Variants in ASIC2 observed in about 807,000 individuals in gnomAD.
The protein encoded by ASIC2 is acid sensing ion channel subunit 2.
A neutral mutation model predicts 57.3 loss-of-function variants in ASIC2; 25 were observed. That is an observed-to-expected ratio of 0.44 (90% CI 0.32 to 0.61). ASIC2 has a LOEUF of 0.61. ASIC2 is among the 20% of genes least tolerant of loss of function. The probability of loss-of-function intolerance (pLI) is 0.06; values close to 1 mark genes in which losing one functional copy is unlikely to be tolerated. For missense variants in ASIC2, 641 were observed against 738.1 expected (o/e 0.87, Z 1.52); for synonymous variants, 319 against 307.5 (o/e 1.04, Z -0.39).
intron 3 of ASIC2, among the ~76,000 whole-genome samples, chr17:33,055,705 T>C (rs532499308): frequency 2.6e-5 from 4 of 152,336 alleles, no homozygotes; most frequent in African/African-American, 9.6e-5. Flanking sequence ...CTTTCTTTTT[T>C]TAATTCAGGA....
chr17:33,113,231 G>A (rs903965887), intron 1 of ASIC2, among the ~76,000 whole-genome samples: 2 of 152,142 alleles, frequency 1.3e-5, no homozygotes, highest in African/African-American at 2.4e-5. Flanking sequence ...ATAAAACCTC[G>A]CAGCCTCAAT....
At chr17:33,834,438 A>G (rs577622319) in intron 1 of ASIC2, 1 of 152,302 alleles carries the variant, frequency 6.6e-6, no homozygotes, top group Admixed American at 6.5e-5. Context: ...AGCTGTTGGT[A>G]TTTGATGGTT....
chr17:34,073,530 G>C lies in ASIC2; in HGVS notation c.555+82448C>G, dbSNP rs149254406. ...AGAGCCAGGTTGTGGGATGCCAAAA[G>C]TCTATGAACTTTCTGTAGCAGACAC... On this transcript the variant is annotated intron_variant, in intron 1 of 9. Transcript: ENST00000359872. Among the ~76,000 whole-genome samples, 359 of 152,244 alleles carry C rather than the reference G, an allele frequency of 2.4e-3. 2 individuals carry two copies. Among genetic ancestry groups the C allele is most frequent in the African/African-American group, 8.0e-3 (333 of 41,526 alleles).
At chr17:33,137,962 C>G (rs2092372642) in intron 1 of ASIC2, among the ~76,000 whole-genome samples, 2 of 152,124 alleles carry the variant, frequency 1.3e-5, no homozygotes, top group Admixed American at 6.5e-5. Flanking sequence ...GGGGTGAACA[C>G]AAACCATCTC....
intron 3 of ASIC2, among the ~76,000 whole-genome samples, chr17:33,079,908 C>T (rs1044375424): frequency 2.2e-4 from 34 of 152,138 alleles, no homozygotes; most frequent in African/African-American, 8.2e-4. Context: ...CGGCCATTTA[C>T]AGAGTTTTGA....
chr17:33,366,184 A>G (rs906862938), intron 1 of ASIC2, among the ~76,000 whole-genome samples: 3 of 152,282 alleles, frequency 2.0e-5, no homozygotes, highest in South Asian at 4.1e-4. Context: ...ATTCATCATC[A>G]TTGATTCTTA....
intron 1 of ASIC2, among the ~76,000 whole-genome samples, chr17:33,549,078 A>C (rs1251332410): frequency 6.6e-6 from 1 of 152,142 alleles, no homozygotes; most frequent in East Asian, 1.9e-4. Context: ...ATATGCTATG[A>C]AGGCTGGAAC....
At chr17:33,369,438 T>C (rs1908956417) in intron 1 of ASIC2, among the ~76,000 whole-genome samples, 1 of 152,238 alleles carries the variant, frequency 6.6e-6, no homozygotes, top group Admixed American at 6.5e-5. Flanking sequence ...GTCACTTTAC[T>C]TTTTTGAGGC....
chr17:33,138,344 C>T (rs375304883), intron 1 of ASIC2, among the ~76,000 whole-genome samples: 1 of 151,988 alleles, frequency 6.6e-6, no homozygotes, highest in African/African-American at 2.4e-5. Context: ...GCACAGGAAC[C>T]CTGAGGATTA....
chr17:34,035,811 T>C (rs1907852251), intron 1 of ASIC2, among the ~76,000 whole-genome samples: 1 of 151,492 alleles, frequency 6.6e-6, no homozygotes, highest in Non-Finnish European at 1.5e-5. Flanking sequence ...ATCAGAGAAA[T>C]GCAAATCAAA....
intron 9 of ASIC2, 41 bp from the exon 10 acceptor site, chr17:33,014,107 C>CA (rs745374892): frequency 1.3e-5 from 20 of 1,500,772 alleles, no homozygotes; most frequent in Middle Eastern, 3.4e-4. Context: ...ATTCGCTCAG[C>CA]AAAAATTCTT....
chr17:33,023,805 A>G lies in ASIC2; in HGVS notation c.1349+56T>C. On this transcript the variant is annotated intron_variant, in intron 6 of 9. Coordinates refer to ENST00000225823, the MANE Select transcript of ASIC2 (RefSeq NM_183377.2). ...TTGCTTTCCTCCTTGATTGCCTCCA[A>G]TTTCCTCCTTATCCAGTTCCCCCTT... The G allele has an allele frequency of 4.4e-6, 7 of 1,603,200 alleles. No homozygotes were observed. The East Asian group carries it at 1.6e-4, about 36-fold the overall frequency.
chr17:34,037,631 G>C, intron 1 of ASIC2: 1 of 1,602,690 alleles, frequency 6.2e-7, no homozygotes, highest in Non-Finnish European at 8.5e-7. Flanking sequence ...TCAATTAGAA[G>C]AACTGTTATT....
intron 1 of ASIC2, among the ~76,000 whole-genome samples, chr17:34,104,524 G>GC (rs1910974526): frequency 6.6e-6 from 1 of 151,970 alleles, no homozygotes. Flanking sequence ...CAGCATTCTG[G>GC]CCTTTTTTTT....
chr17:33,177,280 G>T (rs530514387), intron 1 of ASIC2, among the ~76,000 whole-genome samples: 2 of 151,756 alleles, frequency 1.3e-5, no homozygotes, highest in African/African-American at 2.4e-5. Context: ...TAGAGCTGAT[G>T]GTCCTCCAGG....
At chr17:33,458,919 T>C (rs1236129330) in intron 1 of ASIC2, among the ~76,000 whole-genome samples, 1 of 151,986 alleles carries the variant, frequency 6.6e-6, no homozygotes, top group Non-Finnish European at 1.5e-5. Context: ...CTGCACAGGG[T>C]TTCTGTCCGA....
chr17:33,550,610 T>G (rs147693725), intron 1 of ASIC2, among the ~76,000 whole-genome samples: 231 of 152,350 alleles, frequency 1.5e-3, no homozygotes, highest in African/African-American at 5.1e-3. Flanking sequence ...TATCACCTAC[T>G]GGCTACTACT....
intron 1 of ASIC2, among the ~76,000 whole-genome samples, chr17:33,555,748 G>T (rs938236198): frequency 6.6e-6 from 1 of 152,162 alleles, no homozygotes; most frequent in African/African-American, 2.4e-5. Context: ...GAGGATGTCA[G>T]CAGTCAGGAA....
chr17:33,819,335 C>T (rs554710199), intron 1 of ASIC2, among the ~76,000 whole-genome samples: 12 of 152,294 alleles, frequency 7.9e-5, no homozygotes, highest in African/African-American at 2.9e-4. Flanking sequence ...GGGCAAGCTG[C>T]CTAATGAACA....
Sources: allele counts gnomAD v4.1 joint callset (sites outside exome capture counted in the v4.1 genomes callset), GRCh38; gene constraint gnomAD v4.1.1; transcripts MANE v1.5; gene names NCBI Gene and HGNC (gene_info 2026-07-23, HGNC 2026-07-21).